Variants in KATNAL2 observed in about 807,000 individuals in gnomAD.
The protein encoded by KATNAL2 is katanin catalytic subunit A1 like 2, also known as katanin p60 ATPase-containing subunit A-like 2.
KATNAL2 carries 52 observed loss-of-function variants against 76.3 expected under a neutral mutation model. The ratio of observed to expected loss-of-function variants is 0.68; its 90% confidence interval spans 0.55 to 0.86. KATNAL2 has a LOEUF of 0.86. KATNAL2 is among the 40% of genes least tolerant of loss of function. The pLI is 0.00. For missense variants in KATNAL2, 660 were observed against 668.9 expected, an observed-to-expected ratio of 0.99 and a Z score of 0.15; for synonymous variants, 243 against 244.2, an observed-to-expected ratio of 1.00 and a Z score of 0.05.
At chr18:47,085,380 T>C (rs892186450) in intron 15 of KATNAL2, among the ~76,000 whole-genome samples, 3 of 152,202 alleles carry the variant, frequency 2.0e-5, no homozygotes, top group African/African-American at 7.2e-5. Flanking sequence ...AGACATTTCG[T>C]TTATAGTTTA....
chr18:47,050,656 T>C (rs530009897), intron 4 of KATNAL2, among the ~76,000 whole-genome samples: 1 of 152,254 alleles, frequency 6.6e-6, no homozygotes, highest in Admixed American at 6.5e-5. Context: ...AAGGGACAAA[T>C]GAGTGGACTG....
intron 15 of KATNAL2, among the ~76,000 whole-genome samples, chr18:47,088,289 AGTCCCAAG>A (rs1297165434): frequency 1.3e-5 from 2 of 152,150 alleles, no homozygotes; most frequent in Non-Finnish European, 2.9e-5. Context: ...CCATTCCTCA[AGTCCCAAG>A]GTCCCTAGCT....
rs778519234 is a variant in KATNAL2 at position 47,099,375 on chromosome 18, C to T, written c.1344C>T (p.His448=). The T allele has an allele frequency of 6.2e-7, 1 of 1,613,848 alleles. No individual in the cohort carries two copies. The highest frequency in any genetic ancestry group is 1.7e-5 in the Admixed American group (1 of 59,994). The change falls in exon 16 of 18, where the codon CAC becomes CAT. Residue 448 remains histidine, a synonymous_variant. Transcript: ENST00000683218. ...PVSKSRALEL[H]TELEYSVLSQ... ...GCAAGAGCAGGGCCTTGGAGCTGCACACAGAGCTGGAGTACAGTGTGCTGA... is the reference window on the plus strand; with the variant it reads ...GCAAGAGCAGGGCCTTGGAGCTGCATACAGAGCTGGAGTACAGTGTGCTGA...
chr18:47,076,075 T>G (rs2093094726), intron 14 of KATNAL2: 1 of 152,098 alleles, frequency 6.6e-6, no homozygotes, highest in African/African-American at 2.4e-5. Flanking sequence ...CTGGCACCCC[T>G]GGCTTGAAAA....
At chr18:47,051,446 G>T (rs71355038) in intron 4 of KATNAL2, among the ~76,000 whole-genome samples, 2 of 52,948 alleles carry the variant, frequency 3.8e-5, no homozygotes, top group Admixed American at 2.7e-4. Context: ...AAAAAAAAAG[G>T]TTAAAAAAAG....
intron 11 of KATNAL2, among the ~76,000 whole-genome samples, chr18:47,067,495 C>A (rs2061850223): frequency 6.6e-6 from 1 of 152,180 alleles, no homozygotes; most frequent in African/African-American, 2.4e-5. Context: ...TCCTTTACAC[C>A]CCTGCCCCCC....
rs559007632 is a variant in KATNAL2, at chr18:47,071,020, G to A, written c.1008+1420G>A. Among the ~76,000 whole-genome samples, 7 of 152,252 alleles carry A rather than the reference G, an allele frequency of 4.6e-5. No homozygotes were observed. In the East Asian group the frequency reaches 1.3e-3, roughly 29 times the overall value. ...TTGAACAACAGTTGGCCCTTCAACT[G>A]CACGGGTCTACTTATATGGGGAATT... On this transcript the variant is annotated intron_variant, in intron 13 of 17. Transcript: ENST00000683218.
intron 3 of KATNAL2, among the ~76,000 whole-genome samples, chr18:46,965,581 G>GCCCCCCCCCCC (rs2510018): frequency 3.2e-4 from 24 of 73,862 alleles, no homozygotes; most frequent in Admixed American, 5.8e-4. Flanking sequence ...TAGCATCCCC[G>GCCCCCCCCCCC]CCCCCCCCCC....
At chr18:46,965,583 C>G (rs1414016537) in intron 3 of KATNAL2, among the ~76,000 whole-genome samples, 39 of 74,898 alleles carry the variant, frequency 5.2e-4, no homozygotes, top group Non-Finnish European at 6.3e-4. Flanking sequence ...GCATCCCCGC[C>G]CCCCCCCCCC....
chr18:46,917,634 G>C lies in KATNAL2; in HGVS notation c.-802G>C. ...GCGGCGACAGCGCCCGCCCGCGCCT[G>C]CCCCGGCGTGCTGCCCCGCGGCTTG... On this transcript the variant is annotated 5_prime_UTR_variant, in exon 1 of 18. Coordinates refer to ENST00000683218, the MANE Select transcript of KATNAL2 (RefSeq NM_001387690.1). 3.6e-6 allele frequency: 3 copies of C among 829,494 alleles called. No individual in the cohort carries two copies. The highest frequency in any genetic ancestry group is 4.4e-6 in the Non-Finnish European group (3 of 684,156). The allele number at this position is 829,494 out of a possible 1,614,324, so 51.4% of individuals were successfully genotyped here. A position where few individuals can be genotyped will look rare whatever the true frequency, so the allele number is the denominator to read the frequency against.
intron 1 of KATNAL2, among the ~76,000 whole-genome samples, chr18:46,934,025 A>G (rs2059015603): frequency 6.6e-6 from 1 of 150,616 alleles, no homozygotes; most frequent in African/African-American, 2.4e-5. Flanking sequence ...TATGTGCCAC[A>G]TTTTCTTAAT....
intron 1 of KATNAL2, among the ~76,000 whole-genome samples, chr18:46,936,418 A>G (rs2059093431): frequency 2.6e-5 from 4 of 152,148 alleles, no homozygotes. Context: ...TAATTTTTAT[A>G]TTTAAAAATT....
Position 47,081,854 on chromosome 18 carries a change from G to A in KATNAL2, c.1211+4393G>A, listed in dbSNP as rs149357858. 2.1e-3 allele frequency among the ~76,000 whole-genome samples: 326 copies of A among 152,214 alleles called. 1 individual carries two copies. Among genetic ancestry groups the A allele is most frequent in the African/African-American group, 7.6e-3 (317 of 41,524 alleles). On this transcript the variant is annotated intron_variant, in intron 15 of 17. Coordinates refer to ENST00000683218, the MANE Select transcript of KATNAL2 (RefSeq NM_001387690.1). The stretch of plus-strand genomic sequence containing the variant: ...TAGTGGGAAATGATGTTAATATTCA[G>A]AGATTACAGTCTCACAATTAGGCCT...
chr18:47,033,008 G>C, intron 3 of KATNAL2: 2 of 1,614,096 alleles, frequency 1.2e-6, no homozygotes, highest in Non-Finnish European at 1.7e-6. Context: ...TGAGTTTATC[G>C]TCGGGAGAAT....
chr18:46,918,389 A>G (rs2058254990), intron 1 of KATNAL2, among the ~76,000 whole-genome samples: 1 of 152,054 alleles, frequency 6.6e-6, no homozygotes, highest in African/African-American at 2.4e-5. Context: ...GCCTCTTCCC[A>G]CTACCCCTCG....
chr18:46,958,531 G>GTT (rs1569021576), intron 3 of KATNAL2, among the ~76,000 whole-genome samples: 1 of 152,238 alleles, frequency 6.6e-6, no homozygotes, highest in East Asian at 1.9e-4. Flanking sequence ...GGAGAGCTGT[G>GTT]ACTAACACAG....
At chr18:47,098,323 A>G (rs2063338544) in intron 15 of KATNAL2, 1 of 284,728 alleles carries the variant, frequency 3.5e-6, no homozygotes, top group Non-Finnish European at 6.9e-6. Context: ...TTTCACATGG[A>G]TGGGGAGCCT....
At chr18:47,032,822 A>G in intron 3 of KATNAL2, 1 of 1,100,570 alleles carries the variant, frequency 9.1e-7, no homozygotes, top group Non-Finnish European at 1.3e-6. Flanking sequence ...GCTGGGAGGT[A>G]GTGGCTGGGT....
At chr18:46,948,802 C>A (rs143157029) in intron 3 of KATNAL2, among the ~76,000 whole-genome samples, 1 of 152,158 alleles carries the variant, frequency 6.6e-6, no homozygotes, top group East Asian at 1.9e-4. Flanking sequence ...AAGCCCCAGA[C>A]CAATGATCCA....
Sources: gnomAD v4.1 joint callset for allele counts (sites outside exome capture counted in the v4.1 genomes callset) on GRCh38, gnomAD v4.1.1 for gene constraint, MANE v1.5 for transcripts, NCBI Gene and HGNC (gene_info 2026-07-23, HGNC 2026-07-21) for gene names.